The following STK39 variants were observed in gnomAD, a reference collection of about 807,000 sequenced individuals.
STK39 encodes STE20/SPS1-related proline-alanine-rich protein kinase.
Under a neutral mutation model 77.8 loss-of-function variants are expected in STK39, and 20 were observed. The ratio of observed to expected loss-of-function variants is 0.26; its 90% CI spans 0.18 to 0.37. The LOEUF is 0.37. Ranked by LOEUF, STK39 falls within the 10% of genes least tolerant of loss-of-function variation. The probability of loss-of-function intolerance (pLI) is 1.00; values close to 1 mark genes in which losing one functional copy is unlikely to be tolerated. For synonymous variants in STK39, 246 were observed against 234.1 expected (o/e 1.05, Z -0.47); for missense variants, 479 against 656.5 (o/e 0.73, Z 2.95).
intron 10 of STK39, among the ~76,000 whole-genome samples, chr2:168,081,735 C>A (rs1225774657): frequency 6.6e-6 from 1 of 152,180 alleles, no homozygotes; most frequent in Admixed American, 6.5e-5. Flanking sequence ...CCACATGTCA[C>A]AGGAGGAACC....
intron 16 of STK39, among the ~76,000 whole-genome samples, chr2:167,992,510 C>T (rs1023199013): frequency 2.0e-5 from 3 of 152,090 alleles, no homozygotes; most frequent in Non-Finnish European, 2.9e-5. Flanking sequence ...AAACTTGAAG[C>T]TCAACAAATG....
chr2:168,113,286 C>G (rs745563903), intron 10 of STK39, among the ~76,000 whole-genome samples: 5 of 152,174 alleles, frequency 3.3e-5, no homozygotes, highest in Admixed American at 6.5e-5. Flanking sequence ...AAAGTCAGAG[C>G]TCTCTGGAGA....
intron 14 of STK39, among the ~76,000 whole-genome samples, chr2:168,032,279 T>C (rs1429166124): frequency 6.6e-6 from 1 of 152,208 alleles, no homozygotes; most frequent in Non-Finnish European, 1.5e-5. Flanking sequence ...AAGCTGATTT[T>C]TGTGTATGAG....
At chr2:167,999,973 G>C (rs556391204) in intron 16 of STK39, among the ~76,000 whole-genome samples, 1 of 152,272 alleles carries the variant, frequency 6.6e-6, no homozygotes, top group South Asian at 2.1e-4. Flanking sequence ...TACAGGTGAG[G>C]CTTCTTCAAG....
chr2:168,076,738 C>T (rs1005637777), intron 10 of STK39, among the ~76,000 whole-genome samples: 7 of 151,926 alleles, frequency 4.6e-5, no homozygotes, highest in African/African-American at 1.7e-4. Flanking sequence ...TTCTTTTTAA[C>T]TAATTTATCT....
rs753876364 is a variant in STK39, at chr2:167,955,331, ATT to A, written c.*163_*164del. 3.3e-6 allele frequency: 2 copies of A among 612,076 alleles called. No individual in the cohort carries two copies. Among genetic ancestry groups the A allele is most frequent in the Non-Finnish European group, 5.6e-6 (2 of 355,508 alleles). The allele number at this position is 612,076 out of a possible 1,614,324, so 37.9% of individuals were successfully genotyped here. A position where few individuals can be genotyped will look rare whatever the true frequency, so the allele number is the denominator to read the frequency against. ...GGAGTGTTGTAAGTTTTAAAAAATT[ATT>A]TTTTTATCCCATTTTGTTGAAGCCG... On this transcript the variant is annotated 3_prime_UTR_variant, in exon 18 of 18. Coordinates refer to ENST00000355999, the MANE Select transcript of STK39 (RefSeq NM_013233.3).
chr2:168,049,584 T>C (rs1685340202), intron 14 of STK39, among the ~76,000 whole-genome samples: 1 of 152,246 alleles, frequency 6.6e-6, no homozygotes, highest in African/African-American at 2.4e-5. Context: ...TTTGGTGCTT[T>C]GGTTGTTTTT....
intron 14 of STK39, among the ~76,000 whole-genome samples, chr2:168,047,856 T>C (rs1685284647): frequency 6.6e-6 from 1 of 152,230 alleles, no homozygotes; most frequent in African/African-American, 2.4e-5. Context: ...ATTAATACTT[T>C]GTGGCCAGGT....
At chr2:168,015,489 C>T (rs956393916) in intron 15 of STK39, among the ~76,000 whole-genome samples, 2 of 152,160 alleles carry the variant, frequency 1.3e-5, no homozygotes, top group Non-Finnish European at 2.9e-5. Flanking sequence ...CAGACAATGC[C>T]ATGGGTTCTG....
At chr2:168,067,707 T>C (rs566983033) in intron 12 of STK39, among the ~76,000 whole-genome samples, 1 of 152,330 alleles carries the variant, frequency 6.6e-6, no homozygotes, top group African/African-American at 2.4e-5. Flanking sequence ...CATGGTCTTT[T>C]GGGTATACTC....
intron 10 of STK39, among the ~76,000 whole-genome samples, chr2:168,079,820 C>T (rs80249858): frequency 4.6e-5 from 7 of 152,140 alleles, no homozygotes; most frequent in African/African-American, 9.7e-5. Context: ...CTATGTTCTA[C>T]GGATTTTACA....
chr2:167,998,993 C>T (rs1683923593), intron 16 of STK39, among the ~76,000 whole-genome samples: 1 of 152,202 alleles, frequency 6.6e-6, no homozygotes, highest in Non-Finnish European at 1.5e-5. Flanking sequence ...ACTTTAACTA[C>T]AAAGGGACCC....
intron 1 of STK39, among the ~76,000 whole-genome samples, chr2:168,227,604 A>C (rs775904285): frequency 6.6e-6 from 1 of 152,208 alleles, no homozygotes; most frequent in African/African-American, 2.4e-5. Context: ...ACACATCCAC[A>C]AACAGTAAGA....
intron 5 of STK39, among the ~76,000 whole-genome samples, chr2:168,146,557 A>T (rs1360412965): frequency 6.6e-6 from 1 of 152,134 alleles, no homozygotes; most frequent in Non-Finnish European, 1.5e-5. Flanking sequence ...GTTCTTTCCT[A>T]CAAGCAGCTT....
chr2:168,212,325 T>C (rs1689910946), intron 1 of STK39, among the ~76,000 whole-genome samples: 1 of 152,178 alleles, frequency 6.6e-6, no homozygotes, highest in Non-Finnish European at 1.5e-5. Context: ...CCATCTCACC[T>C]GCAGGGAAAG....
At chr2:168,140,186 C>A in intron 7 of STK39, 103 bp downstream of exon 7, 1 of 1,014,032 alleles carries the variant, frequency 9.9e-7, no homozygotes. Flanking sequence ...TCCATTAATT[C>A]TCCTCGGGTC....
intron 5 of STK39, among the ~76,000 whole-genome samples, chr2:168,153,708 G>C (rs1441402879): frequency 6.6e-6 from 1 of 152,062 alleles, no homozygotes; most frequent in Non-Finnish European, 1.5e-5. Context: ...TCTGAAGGAG[G>C]TAAGGAAAAG....
chr2:168,075,335 C>T, intron 10 of STK39, 104 bp from the exon 11 acceptor site: 1 of 1,481,766 alleles, frequency 6.7e-7, no homozygotes, highest in Non-Finnish European at 9.2e-7. Context: ...CTGAAAATAA[C>T]CTGAGTGGCT....
intron 10 of STK39, among the ~76,000 whole-genome samples, chr2:168,099,444 G>A (rs1686763544): frequency 6.6e-6 from 1 of 152,148 alleles, no homozygotes; most frequent in Non-Finnish European, 1.5e-5. Flanking sequence ...AGAGTCCTAT[G>A]GCTTCATTCC....
Sources: allele counts gnomAD v4.1 joint callset (sites outside exome capture counted in the v4.1 genomes callset), GRCh38; gene constraint gnomAD v4.1.1; transcripts MANE v1.5; gene names NCBI Gene and HGNC (gene_info 2026-07-23, HGNC 2026-07-21).